Variants in DMC1 observed in about 807,000 individuals in gnomAD.
DMC1 encodes meiotic recombination protein DMC1 homolog.
DMC1 carries 27 observed loss-of-function variants against 50.1 expected under a neutral mutation model. The ratio of observed to expected loss-of-function variants is 0.54; its 90% CI spans 0.40 to 0.74. DMC1 has a LOEUF of 0.74. DMC1 is among the 30% of genes least tolerant of loss of function. The probability of loss-of-function intolerance (pLI) is 0.00; values close to 1 mark genes in which losing one functional copy is unlikely to be tolerated. For missense variants in DMC1, 295 were observed against 420.2 expected, an observed-to-expected ratio of 0.70 and a Z score of 2.60; for synonymous variants, 148 against 136.1, an observed-to-expected ratio of 1.09 and a Z score of -0.61.
intron 12 of DMC1, among the ~76,000 whole-genome samples, chr22:38,524,657 C>T (rs2090067717): frequency 6.6e-6 from 1 of 152,076 alleles, no homozygotes; most frequent in African/African-American, 2.4e-5. Flanking sequence ...CTCCTTTCCC[C>T]ACCGTGTCTG....
chr22:38,567,472 G>C, intron 3 of DMC1, 111 bp downstream of exon 3: 1 of 897,988 alleles, frequency 1.1e-6, no homozygotes, highest in Non-Finnish European at 1.9e-6. Context: ...ACCCTACAAT[G>C]CACAGGACGT....
intron 6 of DMC1, among the ~76,000 whole-genome samples, chr22:38,554,820 C>T (rs1263987023): frequency 6.6e-6 from 1 of 151,830 alleles, no homozygotes; most frequent in African/African-American, 2.4e-5. Context: ...CTATTATCAG[C>T]TGGGCGCAGT....
chr22:38,513,713 G>C, the DMC1 span, among the ~76,000 whole-genome samples: 1 of 152,208 alleles, frequency 6.6e-6, no homozygotes, highest in African/African-American at 2.4e-5. Context: ...GAGTAGCTGG[G>C]ATTACAGGTG....
intron 8 of DMC1, among the ~76,000 whole-genome samples, chr22:38,544,449 G>C (rs1310787753): frequency 6.6e-6 from 1 of 152,074 alleles, no homozygotes; most frequent in African/African-American, 2.4e-5. Context: ...TCCTGTCTTT[G>C]CTTCAGGTTG....
chr22:38,544,204 G>T (rs988122987), intron 8 of DMC1, among the ~76,000 whole-genome samples: 1 of 152,138 alleles, frequency 6.6e-6, no homozygotes, highest in South Asian at 2.1e-4. Context: ...TTTCTCAAAA[G>T]AAGTGTGAAA....
chr22:38,516,140 C>T (rs2089975148), downstream of DMC1, among the ~76,000 whole-genome samples: 1 of 152,134 alleles, frequency 6.6e-6, no homozygotes, highest in South Asian at 2.1e-4. Flanking sequence ...TCCTGCTGGC[C>T]CAGATACCTG....
At position 38,520,061 on chromosome 22, in the gene DMC1, A is replaced by T; in HGVS notation, c.982T>A (p.Phe328Ile). Residue 328 changes from phenylalanine to isoleucine, a missense_variant, in exon 14 of 14, where the codon TTC becomes ATC. Coordinates refer to ENST00000216024, the MANE Select transcript of DMC1 (RefSeq NM_007068.4). ...CCAATTCCTCCAGCAGTTATTGCGA[A>T]GGTGGCTTCATTTTCAGGCATCTCA... ...SPEMPENEAT[F>I]AITAGGIGDA... 6.2e-7 allele frequency: 1 copy of T among 1,613,600 alleles called. No individual in the cohort carries two copies. Among genetic ancestry groups the T allele is most frequent in the Non-Finnish European group, 8.5e-7 (1 of 1,179,650 alleles).
At chr22:38,559,339 G>T (rs1158431223) in intron 5 of DMC1, among the ~76,000 whole-genome samples, 2 of 151,032 alleles carry the variant, frequency 1.3e-5, no homozygotes. Flanking sequence ...CCATTTTTTT[G>T]GTAATTTTTA....
intron 12 of DMC1, among the ~76,000 whole-genome samples, chr22:38,533,519 T>A (rs191713711): frequency 1.3e-5 from 2 of 152,198 alleles, no homozygotes; most frequent in East Asian, 3.9e-4. Context: ...TTCATTTCAA[T>A]GTAATTTACA....
chr22:38,552,092 A>C (rs999722974), intron 7 of DMC1, among the ~76,000 whole-genome samples: 1 of 150,552 alleles, frequency 6.6e-6, no homozygotes, highest in Admixed American at 6.6e-5. Flanking sequence ...GGATCTCCTG[A>C]CCTTGTGATC....
intron 12 of DMC1, among the ~76,000 whole-genome samples, chr22:38,525,399 TA>T (rs1441207477): frequency 3.3e-5 from 5 of 152,168 alleles, no homozygotes; most frequent in Non-Finnish European, 5.9e-5. Context: ...CATGCCATTA[TA>T]GATAACCTAA....
At chr22:38,538,517 A>C (rs757835564) in intron 10 of DMC1, 22 bp downstream of exon 10, 1 of 1,612,516 alleles carries the variant, frequency 6.2e-7, no homozygotes, top group Admixed American at 1.7e-5. Flanking sequence ...GCTCTGTGAA[A>C]GCAATATTTA....
At chr22:38,538,477 A>C in intron 10 of DMC1, 62 bp downstream of exon 10, 1 of 1,603,912 alleles carries the variant, frequency 6.2e-7, no homozygotes, top group South Asian at 1.1e-5. Context: ...TTGAATAGAG[A>C]TCAATAGAAG....
At chr22:38,541,148 G>T (rs111247854) in intron 8 of DMC1, among the ~76,000 whole-genome samples, 3,447 of 152,172 alleles carry the variant, frequency 0.023, 83 homozygotes, top group Non-Finnish European at 0.028. Flanking sequence ...CCATGATTTA[G>T]CAGGAGATAA....
chr22:38,551,402 C>G (rs906672644), intron 7 of DMC1, among the ~76,000 whole-genome samples: 2 of 151,916 alleles, frequency 1.3e-5, no homozygotes, highest in African/African-American at 4.8e-5. Flanking sequence ...GATCTCGGCC[C>G]ACGGCAACCT....
chr22:38,514,170 G>A (rs1412320904), downstream of DMC1, among the ~76,000 whole-genome samples: 1 of 151,918 alleles, frequency 6.6e-6, no homozygotes, highest in African/African-American at 2.4e-5. Flanking sequence ...CAAACCAGAG[G>A]GATTCCATCT....
chr22:38,559,509 G>C (rs2090503547), intron 5 of DMC1, among the ~76,000 whole-genome samples: 1 of 152,162 alleles, frequency 6.6e-6, no homozygotes, highest in African/African-American at 2.4e-5. Context: ...TCACAGGCTA[G>C]TGTGCGCTGT....
chr22:38,525,978 GA>G (rs942000336), intron 12 of DMC1, among the ~76,000 whole-genome samples: 25 of 147,628 alleles, frequency 1.7e-4, no homozygotes, highest in African/African-American at 5.5e-4. Context: ...TAAAATAAAA[GA>G]AAAAAAAAGA....
At chr22:38,528,930 C>G (rs2090125573) in intron 12 of DMC1, among the ~76,000 whole-genome samples, 1 of 152,152 alleles carries the variant, frequency 6.6e-6, no homozygotes, top group Admixed American at 6.5e-5. Context: ...GCAGTTATAA[C>G]CAAGTCTTGA....
Sources: gnomAD v4.1 joint callset for allele counts (sites outside exome capture counted in the v4.1 genomes callset) on GRCh38, gnomAD v4.1.1 for gene constraint, MANE v1.5 for transcripts, NCBI Gene and HGNC (gene_info 2026-07-23, HGNC 2026-07-21) for gene names.